Variants in PKIB observed in about 807,000 individuals in gnomAD.
The protein encoded by PKIB is PKI-beta.
PKIB carries 2 observed loss-of-function variants against 4.5 expected under a neutral mutation model. The ratio of observed to expected loss-of-function variants is 0.44; its 90% CI spans 0.18 to 1.39. PKIB has a LOEUF of 1.39. Among genes scored for constraint, PKIB ranks in the 40% most tolerant of loss-of-function variants. The pLI is 0.27. For missense variants in PKIB, 94 were observed against 92.6 expected, an observed-to-expected ratio of 1.02 and a Z score of -0.06; for synonymous variants, 38 against 36.0, an observed-to-expected ratio of 1.06 and a Z score of -0.20.
intron 3 of PKIB, among the ~76,000 whole-genome samples, chr6:122,598,820 C>T (rs1774260650): frequency 6.6e-6 from 1 of 152,002 alleles, no homozygotes; most frequent in African/African-American, 2.4e-5. Context: ...TTTTAACTCC[C>T]TGAGCTGCAA....
intron 2 of PKIB, among the ~76,000 whole-genome samples, chr6:122,547,295 G>A (rs1019918864): frequency 5.3e-5 from 8 of 152,066 alleles, no homozygotes; most frequent in East Asian, 1.9e-4. Flanking sequence ...GGGTGGAGGC[G>A]TAGGCAGATA....
At chr6:122,523,142 T>C (rs1582674362) in intron 2 of PKIB, among the ~76,000 whole-genome samples, 1 of 152,320 alleles carries the variant, frequency 6.6e-6, no homozygotes, top group South Asian at 2.1e-4. Flanking sequence ...GCCTTTATTA[T>C]GTTGAGGCAG....
intron 2 of PKIB, among the ~76,000 whole-genome samples, chr6:122,494,597 A>G (rs1004355902): frequency 6.6e-6 from 1 of 152,204 alleles, no homozygotes; most frequent in Non-Finnish European, 1.5e-5. Flanking sequence ...AATGGGAAAA[A>G]AAATTGCCTT....
intron 2 of PKIB, among the ~76,000 whole-genome samples, chr6:122,661,769 C>T (rs907343392): frequency 2.6e-5 from 4 of 152,090 alleles, no homozygotes; most frequent in African/African-American, 9.7e-5. Context: ...TGAGGAAATG[C>T]TAGGCTATTT....
intron 2 of PKIB, among the ~76,000 whole-genome samples, chr6:122,500,087 T>C (rs1443987343): frequency 6.6e-6 from 1 of 152,220 alleles, no homozygotes; most frequent in African/African-American, 2.4e-5. Context: ...TGCCCATGGA[T>C]TGGAAGAATC....
At chr6:122,490,708 C>T (rs929688731) in intron 2 of PKIB, among the ~76,000 whole-genome samples, 5 of 152,096 alleles carry the variant, frequency 3.3e-5, no homozygotes, top group East Asian at 1.9e-4. Flanking sequence ...CACTATGTTT[C>T]GTGTACAGCC....
chr6:122,495,447 G>T (rs1367624539), intron 2 of PKIB, among the ~76,000 whole-genome samples: 1 of 151,996 alleles, frequency 6.6e-6, no homozygotes, highest in African/African-American at 2.4e-5. Flanking sequence ...TGTTCCATCT[G>T]CCCCTGCCTG....
At chr6:122,501,473 T>C (rs2114559360) in intron 2 of PKIB, among the ~76,000 whole-genome samples, 1 of 152,340 alleles carries the variant, frequency 6.6e-6, no homozygotes, top group Admixed American at 6.5e-5. Context: ...CCTCAACTCT[T>C]TCCTTCTGTG....
chr6:122,480,698 T>G lies in PKIB; in HGVS notation c.-248+2759T>G, dbSNP rs558327655. 5 of 152,192 alleles carry G rather than the reference T, an allele frequency of 3.3e-5. No homozygotes were observed. The South Asian group carries it at 1.0e-3, about 32-fold the overall frequency. The allele number at this position is 152,192 out of a possible 1,614,324, so 9.4% of individuals were successfully genotyped here. Reference sequence around the variant, plus strand: ...TATGCCTGCCTTATATTTCTAAGAATTTTTTTTCAAACAATTTTTAGTGGG... The same window carrying G: ...TATGCCTGCCTTATATTTCTAAGAAGTTTTTTTCAAACAATTTTTAGTGGG... On this transcript the variant is annotated intron_variant, in intron 2 of 6. Transcript: ENST00000392491.
intron 1 of PKIB, among the ~76,000 whole-genome samples, chr6:122,630,364 A>G (rs2114817113): frequency 6.6e-6 from 1 of 152,320 alleles, no homozygotes; most frequent in Non-Finnish European, 1.5e-5. Context: ...AGCCTAAAAA[A>G]GGAAAGAAAT....
At chr6:122,710,072 A>C (rs988102033) in intron 3 of PKIB, among the ~76,000 whole-genome samples, 58 of 152,270 alleles carry the variant, frequency 3.8e-4, no homozygotes, top group African/African-American at 1.3e-3. Context: ...CTTCATTTTC[A>C]GCTCATAATC....
At chr6:122,572,204 C>T (rs1324490881) in intron 2 of PKIB, among the ~76,000 whole-genome samples, 1 of 152,060 alleles carries the variant, frequency 6.6e-6, no homozygotes, top group East Asian at 1.9e-4. Flanking sequence ...CAAAGAAGGA[C>T]ATTATATAAT....
chr6:122,617,042 C>T (rs1775020072), intron 1 of PKIB, among the ~76,000 whole-genome samples: 1 of 152,116 alleles, frequency 6.6e-6, no homozygotes. Context: ...AGTAAAAATG[C>T]CCAGCTAACT....
chr6:122,684,579 C>A (rs1177213854), intron 3 of PKIB, among the ~76,000 whole-genome samples: 1 of 152,108 alleles, frequency 6.6e-6, no homozygotes, highest in Non-Finnish European at 1.5e-5. Context: ...CCACCATTAT[C>A]TTATAAGTTT....
intron 2 of PKIB, among the ~76,000 whole-genome samples, chr6:122,569,737 C>G (rs746730058): frequency 1.3e-5 from 2 of 152,212 alleles, no homozygotes; most frequent in African/African-American, 2.4e-5. Context: ...ATAACAGTTA[C>G]TGTAGTCTGG....
intron 2 of PKIB, among the ~76,000 whole-genome samples, chr6:122,656,517 G>T (rs1401965083): frequency 6.6e-6 from 1 of 152,158 alleles, no homozygotes; most frequent in Non-Finnish European, 1.5e-5. Flanking sequence ...TAGCCAAACT[G>T]ATGTATCACT....
intron 2 of PKIB, among the ~76,000 whole-genome samples, chr6:122,636,252 G>T (rs1582761818): frequency 1.3e-5 from 2 of 151,636 alleles, no homozygotes; most frequent in South Asian, 2.1e-4. Flanking sequence ...CCTCTCAAAG[G>T]TTATAATTAT....
At chr6:122,570,543 A>T (rs1014403655) in intron 2 of PKIB, among the ~76,000 whole-genome samples, 2 of 152,312 alleles carry the variant, frequency 1.3e-5, no homozygotes, top group Middle Eastern at 6.8e-3. Flanking sequence ...CCAACCCCAT[A>T]TGAGACAGTG....
intron 2 of PKIB, among the ~76,000 whole-genome samples, chr6:122,516,003 A>G (rs1379674498): frequency 1.3e-5 from 2 of 152,076 alleles, no homozygotes; most frequent in African/African-American, 4.8e-5. Flanking sequence ...GTGAACCACC[A>G]CGCCCGGCCT....
Sources: allele counts gnomAD v4.1 joint callset (sites outside exome capture counted in the v4.1 genomes callset), GRCh38; gene constraint gnomAD v4.1.1; transcripts MANE v1.5; gene names NCBI Gene and HGNC (gene_info 2026-07-23, HGNC 2026-07-21).